Variants in GRXCR2 observed in about 807,000 individuals in gnomAD.
GRXCR2 encodes the protein glutaredoxin and cysteine rich domain containing 2, also known as glutaredoxin domain-containing cysteine-rich protein 2.
GRXCR2 carries 23 observed loss-of-function variants against 24.8 expected under a neutral mutation model. That is an observed-to-expected ratio of 0.93 (90% CI 0.67 to 1.32). The LOEUF (loss-of-function observed/expected upper bound fraction) is 1.32. GRXCR2 is among the 40% of genes most tolerant of loss of function. The pLI, the probability that GRXCR2 is intolerant of heterozygous loss-of-function variation, is 0.00. For synonymous variants in GRXCR2, 130 were observed against 116.1 expected, an observed-to-expected ratio of 1.12 and a Z score of -0.77; for missense variants, 315 against 303.4, an observed-to-expected ratio of 1.04 and a Z score of -0.28.
At chr5:145,918,417 C>T (rs189436318) in intron 2 of GRXCR2, among the ~76,000 whole-genome samples, 1 of 152,240 alleles carries the variant, frequency 6.6e-6, no homozygotes, top group East Asian at 1.9e-4. Flanking sequence ...CATTGCTATC[C>T]CCTAGTAACT....
chr5:145,916,710 C>G (rs1256887865), intron 2 of GRXCR2, among the ~76,000 whole-genome samples: 2 of 152,134 alleles, frequency 1.3e-5, no homozygotes, highest in East Asian at 3.9e-4. Flanking sequence ...AAACAAGGTT[C>G]AAATTAAGGT....
chr5:145,865,128 C>G (rs916909727), intron 2 of GRXCR2, among the ~76,000 whole-genome samples: 7 of 152,104 alleles, frequency 4.6e-5, no homozygotes, highest in Non-Finnish European at 1.0e-4. Flanking sequence ...TCATCTGAAC[C>G]CTCCCAGAGT....
At chr5:145,857,779 G>C (rs1756262817), downstream of GRXCR2, among the ~76,000 whole-genome samples, 1 of 152,036 alleles carries the variant, frequency 6.6e-6, no homozygotes. Context: ...CCCCACTAAG[G>C]CTTAAATTAG....
In GRXCR2 at chr5:145,859,797, C is replaced by T. The variant is rs374291185; in HGVS notation, c.683G>A (p.Arg228Gln). 2.7e-5 allele frequency: 43 copies of T among 1,614,008 alleles called. No individual in the cohort carries two copies. In the Admixed American group the frequency reaches 5.3e-4, roughly 20 times the overall value. The change falls in exon 3 of 3, where the codon CGG (arginine) becomes CAG (glutamine). Residue 228 changes from arginine (R) to glutamine (Q), a missense_variant. By Grantham distance (43) the Arg-to-Gln change is conservative (BLOSUM62 1). Transcript: ENST00000377976. ...ATTGCAGGCAGGGCACCTCAGGGCC[C>T]GATAGGACTCCTTAAATCTGTTGGC... ...MLANRFKESYRALRCPACNEN... is the reference protein window; with the variant it reads ...MLANRFKESYQALRCPACNEN...
chr5:145,920,338 TGGG>T, intron 2 of GRXCR2, among the ~76,000 whole-genome samples: 1 of 152,152 alleles, frequency 6.6e-6, no homozygotes, highest in Non-Finnish European at 1.5e-5. Flanking sequence ...CTAGAAACCG[TGGG>T]GATGGGCCCA....
rs1376791177 is a variant in GRXCR2, at chr5:145,894,450, T to C, written c.-69-27722A>G. On this transcript the variant is annotated intron_variant, in intron 2 of 3. Transcript: ENST00000639411. ...ACGCAATGAAAAATGATAAAGGGGA[T>C]ATCACCACTGATCCCACAGAAATAC... is the stretch of plus-strand genomic sequence containing the variant. 4.6e-5 allele frequency among the ~76,000 whole-genome samples: 7 copies of C among 152,240 alleles called. No homozygotes were observed. The East Asian group carries it at 1.2e-3, about 25-fold the overall frequency.
intron 2 of GRXCR2, among the ~76,000 whole-genome samples, chr5:145,928,305 A>G (rs112550703): frequency 0.19 from 28,804 of 151,836 alleles, 2,908 homozygotes; most frequent in Non-Finnish European, 0.22. Flanking sequence ...ACTGTTGGTG[A>G]GACTGTAAAC....
rs373040257 is a variant in GRXCR2, at chr5:145,929,199, C to CATATA, written c.-70+6501_-70+6502insTATAT. On this transcript the variant is annotated intron_variant, in intron 2 of 3. Transcript: ENST00000639411. ...TTTAATAGTTGTATAATATTCCCCC[C>CATATA]TATATATATATATATATATATATAT... Among the ~76,000 whole-genome samples, 72 of 116,482 alleles carry CATATA rather than the reference C, an allele frequency of 6.2e-4. 3 individuals are homozygous for CATATA. Among genetic ancestry groups the CATATA allele is most frequent in the Admixed American group, 2.2e-3 (25 of 11,292 alleles). The allele number at this position is 116,482 out of a possible 152,430, so 76.4% of individuals were successfully genotyped here. A position where few individuals can be genotyped will look rare whatever the true frequency, so the allele number is the denominator to read the frequency against.
chr5:145,872,551 A>T, intron 1 of GRXCR2, 82 bp downstream of exon 1: 1 of 1,237,884 alleles, frequency 8.1e-7, no homozygotes, highest in Non-Finnish European at 1.1e-6. Context: ...GCAAGACACA[A>T]ATCTGAACCA....
intron 2 of GRXCR2, among the ~76,000 whole-genome samples, chr5:145,929,139 C>T (rs1166175134): frequency 6.9e-6 from 1 of 145,594 alleles, no homozygotes; most frequent in Non-Finnish European, 1.5e-5. Flanking sequence ...TGTGAATGAT[C>T]CTTCACATCA....
At chr5:145,869,302 T>C (rs1467312396) in intron 1 of GRXCR2, among the ~76,000 whole-genome samples, 1 of 152,234 alleles carries the variant, frequency 6.6e-6, no homozygotes, top group Non-Finnish European at 1.5e-5. Flanking sequence ...TTATGCAATA[T>C]GTATAAAGTA....
At chr5:145,889,344 A>G (rs1030065308) in intron 2 of GRXCR2, among the ~76,000 whole-genome samples, 2 of 152,126 alleles carry the variant, frequency 1.3e-5, no homozygotes, top group Non-Finnish European at 2.9e-5. Flanking sequence ...TGCTTGGGTG[A>G]TGGGTGCACT....
chr5:145,889,764 A>G (rs1007267062), intron 2 of GRXCR2, among the ~76,000 whole-genome samples: 1 of 152,246 alleles, frequency 6.6e-6, no homozygotes, highest in African/African-American at 2.4e-5. Flanking sequence ...AATTCAAAGC[A>G]TGGATTGCAA....
chr5:145,876,751 T>G (rs1468550844), upstream of GRXCR2, among the ~76,000 whole-genome samples: 1 of 152,232 alleles, frequency 6.6e-6, no homozygotes, highest in South Asian at 2.1e-4. Flanking sequence ...TGGGAAGTTT[T>G]GAAACAACCA....
At chr5:145,882,654 C>T (rs1756719873) in intron 2 of GRXCR2, among the ~76,000 whole-genome samples, 1 of 152,150 alleles carries the variant, frequency 6.6e-6, no homozygotes, top group Admixed American at 6.5e-5. Flanking sequence ...CCATTTGACC[C>T]AGCCATCCCA....
At chr5:145,890,310 G>A (rs1242272645) in intron 2 of GRXCR2, among the ~76,000 whole-genome samples, 4 of 152,124 alleles carry the variant, frequency 2.6e-5, no homozygotes, top group African/African-American at 9.7e-5. Flanking sequence ...GGCTGGTCTT[G>A]AACTTCTGAC....
At chr5:145,893,394 C>A (rs561013441) in intron 2 of GRXCR2, among the ~76,000 whole-genome samples, 9 of 152,052 alleles carry the variant, frequency 5.9e-5, no homozygotes, top group African/African-American at 1.9e-4. Flanking sequence ...ACCCATCTCA[C>A]GTGCAGAGAC....
intron 2 of GRXCR2, among the ~76,000 whole-genome samples, chr5:145,904,321 A>T (rs773823176): frequency 1.2e-4 from 18 of 152,208 alleles, no homozygotes; most frequent in Admixed American, 6.5e-5. Context: ...AGTAGGGCCC[A>T]CAGTAACCCG....
rs1756292795 is a variant in GRXCR2, at chr5:145,859,487, AAGGATAATTTTAGAACC to A, written c.*229_*245del. On this transcript the variant is annotated 3_prime_UTR_variant, in exon 3 of 3. Coordinates refer to ENST00000377976, the MANE Select transcript of GRXCR2 (RefSeq NM_001080516.2). The stretch of plus-strand genomic sequence containing the variant: ...GTGAGATACACTCACACCATCCTGG[AAGGATAATTTTAGAACC>A]AGTTTCAAAGCAGACTATAATTCAG... The A allele has an allele frequency of 1.8e-6, 1 of 555,264 alleles. No homozygotes were observed. The highest frequency in any genetic ancestry group is 3.2e-5 in the Admixed American group (1 of 30,838). 34.4% of individuals were successfully genotyped at this position (555,264 alleles called of 1,614,324 possible). A position where few individuals can be genotyped will look rare whatever the true frequency, so the allele number is the denominator to read the frequency against.
Sources: allele counts gnomAD v4.1 joint callset (sites outside exome capture counted in the v4.1 genomes callset), GRCh38; gene constraint gnomAD v4.1.1; transcripts MANE v1.5; gene names NCBI Gene and HGNC (gene_info 2026-07-23, HGNC 2026-07-21).